LINGO2: variants seen among roughly 807,000 people sequenced by gnomAD.
The protein encoded by LINGO2 is leucine rich repeat and Ig domain containing 2.
A neutral mutation model predicts 30.6 loss-of-function variants in LINGO2; 14 were observed. The observed-to-expected ratio is 0.46, with a 90% CI of 0.30 to 0.72. LINGO2 has a LOEUF of 0.72. Among genes scored for constraint, LINGO2 ranks in the 30% least tolerant of loss-of-function variants. The pLI, the probability that LINGO2 is intolerant of heterozygous loss-of-function variation, is 0.07. For missense variants in LINGO2, 729 were observed against 751.7 expected (o/e 0.97, Z 0.35); for synonymous variants, 317 against 288.5 (o/e 1.10, Z -1.00).
At chr9:29,107,611 C>A in the LINGO2 span, among the ~76,000 whole-genome samples, 3 of 152,100 alleles carry the variant, frequency 2.0e-5, no homozygotes, top group African/African-American at 7.2e-5. Context: ...GTCTAGGTAG[C>A]TATTGCTTTA....
the LINGO2 span, among the ~76,000 whole-genome samples, chr9:28,882,312 T>C: frequency 2.0e-5 from 3 of 152,216 alleles, no homozygotes; most frequent in African/African-American, 7.2e-5. Context: ...TGAAGAGATG[T>C]AGCACAACAT....
rs527605775 is a variant in LINGO2, at chr9:28,478,867, T to C, written c.-364-2842A>G. Among the ~76,000 whole-genome samples the C allele has an allele frequency of 1.8e-4, 27 of 152,168 alleles. No individual in the cohort carries two copies. The South Asian group carries it at 3.1e-3, about 17-fold the overall frequency. On this transcript the variant is annotated intron_variant, in intron 1 of 5. Coordinates refer to ENST00000379992, the Ensembl canonical transcript of LINGO2. ...TAAATTTAATAACACATGAAATATA[T>C]AAAATACTGGAATTTTGTAATTGAC...
the LINGO2 span, among the ~76,000 whole-genome samples, chr9:28,936,405 C>T: frequency 3.3e-5 from 5 of 152,170 alleles, no homozygotes; most frequent in African/African-American, 1.2e-4. Context: ...ATATTCCTGA[C>T]TCAAATGGAT....
At chr9:28,690,508 G>T in the LINGO2 span, among the ~76,000 whole-genome samples, 1 of 152,072 alleles carries the variant, frequency 6.6e-6, no homozygotes, top group Admixed American at 6.6e-5. Context: ...TCTGGGTAAG[G>T]CCATCTTCAT....
Position 28,189,269 on chromosome 9 carries a change from G to GGAAGGA in LINGO2, c.-87+105938_-87+105939insTCCTTC, listed in dbSNP as rs1564028609. 1.7e-4 allele frequency among the ~76,000 whole-genome samples: 9 copies of GGAAGGA among 52,950 alleles called. 1 individual carries two copies. The highest frequency in any genetic ancestry group is 2.3e-4 in the Admixed American group (1 of 4,362). The allele number at this position is 52,950 out of a possible 152,430, so 34.7% of individuals were successfully genotyped here. A position where few individuals can be genotyped will look rare whatever the true frequency, so the allele number is the denominator to read the frequency against. ...GGAGGAAGGGAGGAAGGAAGGGAGG[G>GGAAGGA]AGGAAGGGAGGGAGGGAGGGAGGAA... On this transcript the variant is annotated intron_variant, in intron 4 of 5. Transcript: ENST00000379992.
chr9:29,019,639 C>G, the LINGO2 span, among the ~76,000 whole-genome samples: 1 of 152,184 alleles, frequency 6.6e-6, no homozygotes, highest in Non-Finnish European at 1.5e-5. Context: ...CCATGTCATT[C>G]TCATCCCTGT....
At chr9:28,464,594 G>A (rs202083363) in intron 2 of LINGO2, among the ~76,000 whole-genome samples, 3 of 152,136 alleles carry the variant, frequency 2.0e-5, no homozygotes, top group African/African-American at 7.2e-5. Flanking sequence ...TATAATTTCA[G>A]GGAAAATAAA....
chr9:27,973,475 C>CA (rs1293544537), intron 5 of LINGO2, among the ~76,000 whole-genome samples: 1 of 152,148 alleles, frequency 6.6e-6, no homozygotes, highest in Non-Finnish European at 1.5e-5. Context: ...ATTCACGCCT[C>CA]AAAGGAAGGA....
chr9:28,439,677 T>C (rs1303488275), intron 2 of LINGO2, among the ~76,000 whole-genome samples: 1 of 152,152 alleles, frequency 6.6e-6, no homozygotes, highest in African/African-American at 2.4e-5. Flanking sequence ...ATTGCCATGA[T>C]TGTAAGTTTC....
intron 1 of LINGO2, among the ~76,000 whole-genome samples, chr9:28,494,209 A>G (rs1214400943): frequency 1.3e-5 from 2 of 152,030 alleles, no homozygotes; most frequent in Non-Finnish European, 2.9e-5. Flanking sequence ...TCAACCTAAT[A>G]TTTAGGCTAC....
At chr9:28,469,466 G>A (rs1397136100) in intron 2 of LINGO2, among the ~76,000 whole-genome samples, 1 of 152,012 alleles carries the variant, frequency 6.6e-6, no homozygotes, top group Admixed American at 6.6e-5. Context: ...ATAAGCCCAA[G>A]AAGCTCAACA....
At chr9:28,662,053 T>C (rs1828604923) in intron 1 of LINGO2, among the ~76,000 whole-genome samples, 1 of 152,162 alleles carries the variant, frequency 6.6e-6, no homozygotes, top group Non-Finnish European at 1.5e-5. Flanking sequence ...AACTCAACAG[T>C]GAACTAGGAA....
chr9:29,068,102 G>A, the LINGO2 span, among the ~76,000 whole-genome samples: 42 of 151,912 alleles, frequency 2.8e-4, no homozygotes, highest in African/African-American at 8.7e-4. Context: ...TATTCTCCCT[G>A]ACAAAAGTTG....
the LINGO2 span, among the ~76,000 whole-genome samples, chr9:28,711,326 T>G: frequency 6.6e-6 from 1 of 152,094 alleles, no homozygotes; most frequent in African/African-American, 2.4e-5. Context: ...AAGTTATTAA[T>G]TCTCCTCAAA....
At chr9:29,054,023 A>G in the LINGO2 span, among the ~76,000 whole-genome samples, 7 of 152,154 alleles carry the variant, frequency 4.6e-5, no homozygotes, top group Admixed American at 3.9e-4. Flanking sequence ...TTTGTCTTAT[A>G]TTTACTCAAA....
intron 4 of LINGO2, among the ~76,000 whole-genome samples, chr9:28,126,619 G>A (rs753342730): frequency 1.3e-5 from 2 of 152,212 alleles, no homozygotes; most frequent in African/African-American, 4.8e-5. Flanking sequence ...GCACCTAGGG[G>A]TCCCTCAAAG....
At chr9:28,189,469 AAGGAAGGGAGGG>A (rs1478159867) in intron 4 of LINGO2, among the ~76,000 whole-genome samples, 2 of 62,770 alleles carry the variant, frequency 3.2e-5, no homozygotes, top group African/African-American at 1.8e-4. Flanking sequence ...GGGAGGGAGG[AAGGAAGGGAGGG>A]AGGAAGGAAG....
chr9:28,705,857 C>T, the LINGO2 span, among the ~76,000 whole-genome samples: 4 of 152,160 alleles, frequency 2.6e-5, no homozygotes, highest in South Asian at 6.2e-4. Flanking sequence ...ATATCCAGTC[C>T]GTGTTTCCAA....
At chr9:28,046,084 G>GA (rs1424124672) in intron 4 of LINGO2, among the ~76,000 whole-genome samples, 1 of 152,164 alleles carries the variant, frequency 6.6e-6, no homozygotes, top group Non-Finnish European at 1.5e-5. Flanking sequence ...TGGGATACCT[G>GA]AAGTTCAGCT....
Sources: allele counts gnomAD v4.1 joint callset (sites outside exome capture counted in the v4.1 genomes callset), GRCh38; gene constraint gnomAD v4.1.1; transcripts MANE v1.5; gene names NCBI Gene and HGNC (gene_info 2026-07-23, HGNC 2026-07-21).